SMYD3: variants seen among roughly 807,000 people sequenced by gnomAD.
SMYD3 encodes histone-lysine N-methyltransferase SMYD3.
A neutral mutation model predicts 57.7 loss-of-function variants in SMYD3; 36 were observed. The ratio of observed to expected loss-of-function variants is 0.62; its 90% confidence interval spans 0.48 to 0.82. The LOEUF (loss-of-function observed/expected upper bound fraction) is 0.82. Among genes scored for constraint, SMYD3 ranks in the 40% least tolerant of loss-of-function variants. The probability of loss-of-function intolerance (pLI) is 0.00; values close to 1 mark genes in which losing one functional copy is unlikely to be tolerated. For synonymous variants in SMYD3, 211 were observed against 195.0 expected, an observed-to-expected ratio of 1.08 and a Z score of -0.68; for missense variants, 515 against 538.8, an observed-to-expected ratio of 0.96 and a Z score of 0.44.
intron 5 of SMYD3, among the ~76,000 whole-genome samples, chr1:246,054,985 C>T (rs1006202040): frequency 2.4e-4 from 37 of 151,214 alleles, no homozygotes; most frequent in Non-Finnish European, 4.3e-4. Flanking sequence ...ACCATCCTGG[C>T]TAACATGGTG....
chr1:245,920,471 G>C (rs2055838917), intron 7 of SMYD3, among the ~76,000 whole-genome samples: 2 of 152,118 alleles, frequency 1.3e-5, no homozygotes, highest in South Asian at 4.1e-4. Context: ...AGTCAAACCT[G>C]AGTATCTTTG....
At chr1:246,475,218 G>A (rs192694831) in intron 1 of SMYD3, among the ~76,000 whole-genome samples, 1 of 151,766 alleles carries the variant, frequency 6.6e-6, no homozygotes, top group Non-Finnish European at 1.5e-5. Flanking sequence ...TGTAATCCCA[G>A]CTACTTGGGA....
At chr1:246,271,244 T>C (rs2148546195) in intron 5 of SMYD3, among the ~76,000 whole-genome samples, 2 of 152,344 alleles carry the variant, frequency 1.3e-5, no homozygotes, top group Non-Finnish European at 2.9e-5. Flanking sequence ...TCCCATACTC[T>C]GGGTTACCTT....
chr1:245,923,053 T>G (rs2056095960), intron 7 of SMYD3, among the ~76,000 whole-genome samples: 1 of 152,070 alleles, frequency 6.6e-6, no homozygotes, highest in Non-Finnish European at 1.5e-5. Flanking sequence ...ATACAAAAAG[T>G]GAATGAAAGG....
At chr1:246,448,663 A>G (rs984449851) in intron 1 of SMYD3, among the ~76,000 whole-genome samples, 2 of 139,430 alleles carry the variant, frequency 1.4e-5, no homozygotes, top group Middle Eastern at 4.1e-3. Context: ...ACTATCTGTG[A>G]TCATGCCTGG....
chr1:246,201,168 G>A (rs1441098303), intron 5 of SMYD3, among the ~76,000 whole-genome samples: 2 of 152,114 alleles, frequency 1.3e-5, no homozygotes, highest in African/African-American at 4.8e-5. Context: ...TTAATAATCT[G>A]CTCATCCCTA....
chr1:246,191,353 G>A (rs755384782), intron 5 of SMYD3, among the ~76,000 whole-genome samples: 3 of 152,140 alleles, frequency 2.0e-5, no homozygotes. Context: ...AGAAGACTAG[G>A]CTGGTGGGTA....
intron 5 of SMYD3, among the ~76,000 whole-genome samples, chr1:246,099,113 A>G (rs1427348958): frequency 1.3e-5 from 2 of 152,342 alleles, no homozygotes; most frequent in African/African-American, 4.8e-5. Flanking sequence ...TATCAGACTG[A>G]TAAGTTGAAA....
chr1:246,125,081 A>ACACACACACACACACAC (rs1263823647), intron 5 of SMYD3, among the ~76,000 whole-genome samples: 4 of 109,622 alleles, frequency 3.6e-5, no homozygotes, highest in African/African-American at 1.1e-4. Flanking sequence ...CAAAAAAAAA[A>ACACACACACACACACAC]AAAAAAACAC....
intron 1 of SMYD3, among the ~76,000 whole-genome samples, chr1:246,434,646 A>T (rs977958544): frequency 5.8e-4 from 88 of 152,236 alleles, no homozygotes; most frequent in African/African-American, 2.0e-3. Context: ...TCAAAACAGA[A>T]CAGATGCTGG....
chr1:246,032,010 C>A (rs919665007), intron 5 of SMYD3, among the ~76,000 whole-genome samples: 1 of 152,126 alleles, frequency 6.6e-6, no homozygotes, highest in Non-Finnish European at 1.5e-5. Context: ...CTTACACCCT[C>A]GAAGCAACGT....
At chr1:246,257,383 T>A (rs1370655643) in intron 5 of SMYD3, among the ~76,000 whole-genome samples, 1 of 152,216 alleles carries the variant, frequency 6.6e-6, no homozygotes, top group South Asian at 2.1e-4. Flanking sequence ...TTGAATTGAA[T>A]CCTCTATCAT....
chr1:245,918,244 G>A (rs750572774), intron 7 of SMYD3, among the ~76,000 whole-genome samples: 8 of 152,172 alleles, frequency 5.3e-5, no homozygotes, highest in South Asian at 2.1e-4. Flanking sequence ...TGTTTGTGGC[G>A]AGGCAGCATA....
intron 5 of SMYD3, among the ~76,000 whole-genome samples, chr1:246,107,778 A>C (rs1329126375): frequency 6.6e-6 from 1 of 152,228 alleles, no homozygotes; most frequent in South Asian, 2.1e-4. Flanking sequence ...CCCCTAGGGC[A>C]ATTATAAGTG....
intron 5 of SMYD3, among the ~76,000 whole-genome samples, chr1:246,215,761 C>T (rs1424881934): frequency 6.6e-6 from 1 of 152,000 alleles, no homozygotes; most frequent in East Asian, 1.9e-4. Flanking sequence ...ATGTCACTTT[C>T]CTTTTTTAAA....
chr1:246,028,760 C>T (rs953163498), intron 5 of SMYD3, among the ~76,000 whole-genome samples: 1 of 152,046 alleles, frequency 6.6e-6, no homozygotes, highest in Non-Finnish European at 1.5e-5. Context: ...ACACAAAAGA[C>T]CATGAATAGC....
At chr1:246,500,392 C>A (rs780984641) in intron 1 of SMYD3, among the ~76,000 whole-genome samples, 1 of 152,174 alleles carries the variant, frequency 6.6e-6, no homozygotes, top group Non-Finnish European at 1.5e-5. Flanking sequence ...CAGAGGCAAC[C>A]TTGTGGGGAA....
chr1:246,313,876 AC>A lies in SMYD3; in HGVS notation c.531+13324del, dbSNP rs553820458. Among the ~76,000 whole-genome samples the A allele has an allele frequency of 2.1e-3, 319 of 152,300 alleles. 1 individual carries two copies. The highest frequency in any genetic ancestry group is 9.3e-3 in the Admixed American group (142 of 15,296). On this transcript the variant is annotated intron_variant, in intron 5 of 11. Transcript: ENST00000490107. ...TCTATAGAATCATAGGGAAAAGCAC[AC>A]CCAATAATGGCTTGAAAATGATAAA...
At chr1:246,381,446 G>A (rs769407882) in intron 1 of SMYD3, among the ~76,000 whole-genome samples, 10 of 152,150 alleles carry the variant, frequency 6.6e-5, no homozygotes, top group Admixed American at 5.2e-4. Flanking sequence ...AAACAGAGGC[G>A]AACAGAGACC....
Sources: allele counts gnomAD v4.1 joint callset (sites outside exome capture counted in the v4.1 genomes callset), GRCh38; gene constraint gnomAD v4.1.1; transcripts MANE v1.5; gene names NCBI Gene and HGNC (gene_info 2026-07-23, HGNC 2026-07-21).